The following FAM117B variants were observed in gnomAD, a reference collection of about 807,000 sequenced individuals.
FAM117B encodes family with sequence similarity 117 member B, also known as protein FAM117B.
A neutral mutation model predicts 52.8 loss-of-function variants in FAM117B; 22 were observed. The ratio of observed to expected loss-of-function variants is 0.42; its 90% CI spans 0.30 to 0.59. The LOEUF is 0.59. FAM117B is among the 20% of genes least tolerant of loss of function. The pLI is 0.22. For synonymous variants in FAM117B, 309 were observed against 324.1 expected, an observed-to-expected ratio of 0.95 and a Z score of 0.50; for missense variants, 678 against 802.6, an observed-to-expected ratio of 0.84 and a Z score of 1.88.
At chr2:202,696,803 C>T (rs1463693104) in intron 2 of FAM117B, among the ~76,000 whole-genome samples, 3 of 152,194 alleles carry the variant, frequency 2.0e-5, no homozygotes, top group Admixed American at 6.5e-5. Flanking sequence ...GGATGGCTTA[C>T]GCCTATAGTG....
At chr2:202,681,389 A>G (rs936192269) in intron 1 of FAM117B, among the ~76,000 whole-genome samples, 1 of 152,232 alleles carries the variant, frequency 6.6e-6, no homozygotes, top group Non-Finnish European at 1.5e-5. Flanking sequence ...AGTAAGATCT[A>G]ATTATATGAC....
At chr2:202,675,695 A>C (rs1690367992) in intron 1 of FAM117B, among the ~76,000 whole-genome samples, 1 of 152,010 alleles carries the variant, frequency 6.6e-6, no homozygotes, top group Admixed American at 6.6e-5. Context: ...TAACAAAAGA[A>C]TACAGCAGGC....
At chr2:202,764,813 G>A (rs532233441) in intron 7 of FAM117B, among the ~76,000 whole-genome samples, 2 of 152,294 alleles carry the variant, frequency 1.3e-5, no homozygotes, top group South Asian at 2.1e-4. Context: ...AAGCAAAGGA[G>A]TTTTCATTTT....
Position 202,654,062 on chromosome 2 carries a change from TGAGAGA to T in FAM117B, c.601+18304_601+18309del, listed in dbSNP as rs60490884. Among the ~76,000 whole-genome samples the T allele has an allele frequency of 6.4e-3, 864 of 134,846 alleles. 7 individuals are homozygous for T. Among genetic ancestry groups the T allele is most frequent in the African/African-American group, 0.015 (553 of 36,902 alleles). 88.5% of individuals were successfully genotyped at this position (134,846 alleles called of 152,430 possible). On this transcript the variant is annotated intron_variant, in intron 1 of 7. Coordinates refer to ENST00000392238, the MANE Select transcript of FAM117B (RefSeq NM_173511.4). ...GGAGGGGGTGCGGGAAGAGAGTGAG[TGAGAGA>T]GAGAGAGAGAGAGAGAGAGAGAGAG... is the stretch of plus-strand genomic sequence containing the variant.
In FAM117B at chr2:202,763,070, CTT is replaced by C. The variant is rs11292183; in HGVS notation, c.1452-2358_1452-2357del. Reference sequence around the variant, plus strand: ...CTATTAGCAGCCACGAGTCTTAAGTCTTTTTTTTTTTTTTTTTTTGAGACAGA... The same window carrying C: ...CTATTAGCAGCCACGAGTCTTAAGTCTTTTTTTTTTTTTTTTTGAGACAGA... On this transcript the variant is annotated intron_variant, in intron 7 of 7. Coordinates refer to ENST00000392238, the MANE Select transcript of FAM117B (RefSeq NM_173511.4). Among the ~76,000 whole-genome samples the C allele has an allele frequency of 6.9e-3, 742 of 106,910 alleles. 3 individuals are homozygous for C. Among genetic ancestry groups the C allele is most frequent in the African/African-American group, 0.019 (500 of 26,342 alleles). 70.1% of individuals were successfully genotyped at this position (106,910 alleles called of 152,430 possible). A position where few individuals can be genotyped will look rare whatever the true frequency, so the allele number is the denominator to read the frequency against.
At position 202,730,234 on chromosome 2, in the gene FAM117B, G is replaced by T. The variant is rs544668390; in HGVS notation, c.960+3871G>T. ...AGAGAGGTCAGGTATATTGTTTAAGGTCACACGAGACAGCCAGAATTCTAA... is the reference window on the plus strand; with the variant it reads ...AGAGAGGTCAGGTATATTGTTTAAGTTCACACGAGACAGCCAGAATTCTAA... On this transcript the variant is annotated intron_variant, in intron 4 of 7. Coordinates refer to ENST00000392238, the MANE Select transcript of FAM117B (RefSeq NM_173511.4). Among the ~76,000 whole-genome samples the T allele has an allele frequency of 2.0e-5, 3 of 152,186 alleles. No individual in the cohort carries two copies. In the East Asian group the frequency reaches 5.8e-4, roughly 29 times the overall value.
chr2:202,635,858 C>T, intron 1 of FAM117B, 70 bp downstream of exon 1: 1 of 1,325,020 alleles, frequency 7.5e-7, no homozygotes, highest in Non-Finnish European at 9.6e-7. Context: ...GCGCTGCAAT[C>T]GCGCGGGGAC....
At chr2:202,683,908 C>G (rs190990274) in intron 1 of FAM117B, among the ~76,000 whole-genome samples, 16 of 151,986 alleles carry the variant, frequency 1.1e-4, no homozygotes, top group Admixed American at 9.8e-4. Context: ...GCTCTGTCAC[C>G]CAGGCTGGAG....
intron 2 of FAM117B, among the ~76,000 whole-genome samples, chr2:202,716,788 A>G (rs1691064159): frequency 6.6e-6 from 1 of 152,134 alleles, no homozygotes; most frequent in African/African-American, 2.4e-5. Context: ...CTGCTTGAGC[A>G]GTTCTACTAC....
chr2:202,669,809 TG>T (rs1286309637), intron 1 of FAM117B, among the ~76,000 whole-genome samples: 1 of 152,192 alleles, frequency 6.6e-6, no homozygotes, highest in Non-Finnish European at 1.5e-5. Context: ...TTATCCAGTT[TG>T]TTGGATTTTT....
intron 1 of FAM117B, among the ~76,000 whole-genome samples, chr2:202,657,684 C>G: frequency 6.6e-6 from 1 of 151,794 alleles, no homozygotes; most frequent in Non-Finnish European, 1.5e-5. Context: ...ATGGGTTTCA[C>G]TGTGTTGCCT....
chr2:202,645,605 A>G (rs967236437), intron 1 of FAM117B, among the ~76,000 whole-genome samples: 1 of 128,372 alleles, frequency 7.8e-6, no homozygotes, highest in South Asian at 2.5e-4. Flanking sequence ...TTTTATTTCT[A>G]TCAGATTTAT....
chr2:202,665,687 G>A (rs1690194221), intron 1 of FAM117B, among the ~76,000 whole-genome samples: 1 of 152,104 alleles, frequency 6.6e-6, no homozygotes. Flanking sequence ...TGCAACTTCT[G>A]CCTCCCAGAT....
chr2:202,673,691 G>A (rs1211775076), intron 1 of FAM117B, among the ~76,000 whole-genome samples: 2 of 151,668 alleles, frequency 1.3e-5, no homozygotes, highest in East Asian at 1.9e-4. Flanking sequence ...CAGGTGATCC[G>A]CCTGTCTCGG....
chr2:202,705,459 A>ATT (rs1337002720), intron 2 of FAM117B, among the ~76,000 whole-genome samples: 2 of 152,198 alleles, frequency 1.3e-5, no homozygotes, highest in African/African-American at 4.8e-5. Context: ...TGTCATCATA[A>ATT]TTACTTGACA....
chr2:202,641,187 G>A (rs1230644486), intron 1 of FAM117B, among the ~76,000 whole-genome samples: 1 of 152,162 alleles, frequency 6.6e-6, no homozygotes, highest in Non-Finnish European at 1.5e-5. Flanking sequence ...ATTCCACAGG[G>A]GATGGGTATA....
intron 1 of FAM117B, among the ~76,000 whole-genome samples, chr2:202,647,550 G>T (rs1243205288): frequency 6.6e-6 from 1 of 152,190 alleles, no homozygotes; most frequent in Non-Finnish European, 1.5e-5. Context: ...TAAACAAGAA[G>T]AAGCTTGTTG....
At chr2:202,656,482 G>A (rs1166355974) in intron 1 of FAM117B, among the ~76,000 whole-genome samples, 1 of 152,054 alleles carries the variant, frequency 6.6e-6, no homozygotes, top group Non-Finnish European at 1.5e-5. Context: ...ACTTAGAAGG[G>A]TTTTATTCAG....
chr2:202,688,725 A>C (rs1690580053), intron 1 of FAM117B, among the ~76,000 whole-genome samples: 1 of 152,236 alleles, frequency 6.6e-6, no homozygotes, highest in Non-Finnish European at 1.5e-5. Context: ...GAAAATTGAT[A>C]AAATATACAA....
Sources: gnomAD v4.1 joint callset for allele counts (sites outside exome capture counted in the v4.1 genomes callset) on GRCh38, gnomAD v4.1.1 for gene constraint, MANE v1.5 for transcripts, NCBI Gene and HGNC (gene_info 2026-07-23, HGNC 2026-07-21) for gene names.